Variants in PPFIBP1 observed in about 807,000 individuals in gnomAD.
The protein encoded by PPFIBP1 is PPFIB scaffold protein 1, also known as liprin-beta-1.
In PPFIBP1, 112 loss-of-function variants were observed where a neutral mutation model predicts 137.8. The observed-to-expected ratio is 0.81, with a 90% CI of 0.70 to 0.95. The LOEUF (loss-of-function observed/expected upper bound fraction) is 0.95. PPFIBP1 is among the 40% of genes least tolerant of loss of function. PPFIBP1 has a pLI of 0.00. For synonymous variants in PPFIBP1, 378 were observed against 417.3 expected (o/e 0.91, Z 1.15); for missense variants, 1,083 against 1,196.6 (o/e 0.91, Z 1.40).
intron 1 of PPFIBP1, among the ~76,000 whole-genome samples, chr12:27,571,975 T>A (rs2050188793): frequency 6.6e-6 from 1 of 152,190 alleles, no homozygotes; most frequent in Admixed American, 6.5e-5. Flanking sequence ...GAATGCTTTT[T>A]TCCTCTGAGG....
intron 1 of PPFIBP1, among the ~76,000 whole-genome samples, chr12:27,533,570 A>G (rs1258332584): frequency 6.6e-6 from 1 of 152,166 alleles, no homozygotes. Flanking sequence ...ATGGTTCTGT[A>G]CTTGGGGTGT....
At chr12:27,574,674 T>G (rs1029440316) in intron 1 of PPFIBP1, among the ~76,000 whole-genome samples, 1 of 152,170 alleles carries the variant, frequency 6.6e-6, no homozygotes, top group Admixed American at 6.5e-5. Context: ...AGATTTTATT[T>G]TGTATAATTT....
intron 1 of PPFIBP1, among the ~76,000 whole-genome samples, chr12:27,571,056 G>T (rs546939765): frequency 6.6e-6 from 1 of 152,316 alleles, no homozygotes; most frequent in East Asian, 1.9e-4. Flanking sequence ...AGAAGAAAGT[G>T]TTGAAAACCA....
At chr12:27,617,472 A>G (rs1292449621) in intron 2 of PPFIBP1, among the ~76,000 whole-genome samples, 3 of 152,196 alleles carry the variant, frequency 2.0e-5, no homozygotes, top group African/African-American at 7.2e-5. Flanking sequence ...AATGAGAAAT[A>G]CTTTGTGAAT....
chr12:27,589,587 C>T (rs1314961354), intron 2 of PPFIBP1, among the ~76,000 whole-genome samples: 3 of 152,344 alleles, frequency 2.0e-5, no homozygotes, highest in East Asian at 1.9e-4. Flanking sequence ...TTGCAAAGCA[C>T]ACTGCTTATA....
intron 2 of PPFIBP1, among the ~76,000 whole-genome samples, chr12:27,621,856 C>T (rs1318758686): frequency 1.3e-5 from 2 of 152,156 alleles, no homozygotes; most frequent in African/African-American, 2.4e-5. Flanking sequence ...AGTTTTTGAC[C>T]ATGTGACAAA....
intron 2 of PPFIBP1, among the ~76,000 whole-genome samples, chr12:27,613,672 C>T (rs1216267166): frequency 6.7e-6 from 1 of 149,466 alleles, no homozygotes; most frequent in East Asian, 2.0e-4. Flanking sequence ...CACTGCACTC[C>T]AGCCTGGGCA....
At chr12:27,622,909 G>C (rs893239433) in intron 2 of PPFIBP1, among the ~76,000 whole-genome samples, 1 of 152,178 alleles carries the variant, frequency 6.6e-6, no homozygotes, top group African/African-American at 2.4e-5. Flanking sequence ...TTCTATTTCA[G>C]TACATTCTAA....
In PPFIBP1 at chr12:27,691,804, A is replaced by T. The variant is rs765598267; in HGVS notation, c.2741A>T (p.Asp914Val). ...FGNLRKKKQE[D>V]GEEYVCPMEL... ...AATTTGAGAAAGAAGAAACAGGAAGATGGTGAAGAATATGTTTGTCCAATG... is the reference window on the plus strand; with the variant it reads ...AATTTGAGAAAGAAGAAACAGGAAGTTGGTGAAGAATATGTTTGTCCAATG... Residue 914 changes from aspartate (D) to valine (V), a missense_variant, in exon 28 of 30, where the codon GAT (aspartate) becomes GTT (valine). Coordinates refer to ENST00000228425, the MANE Select transcript of PPFIBP1 (RefSeq NM_003622.4). 2 of 1,613,704 alleles carry T rather than the reference A, an allele frequency of 1.2e-6. No homozygotes were observed. The highest frequency in any genetic ancestry group is 2.2e-5 in the East Asian group (1 of 44,868).
At chr12:27,687,547 C>T (rs1170643297) in intron 25 of PPFIBP1, 40 bp downstream of exon 25, 1 of 1,606,818 alleles carries the variant, frequency 6.2e-7, no homozygotes, top group East Asian at 2.2e-5. Flanking sequence ...ATGCACTTCC[C>T]AGGCATGGGA....
At chr12:27,677,612 A>G (rs2060604530) in intron 19 of PPFIBP1, 1 of 153,596 alleles carries the variant, frequency 6.5e-6, no homozygotes, top group African/African-American at 2.4e-5. Context: ...TGGAGATAAT[A>G]TTTAGTGATG....
At chr12:27,653,249 T>C (rs1482094138) in intron 7 of PPFIBP1, among the ~76,000 whole-genome samples, 1 of 152,120 alleles carries the variant, frequency 6.6e-6, no homozygotes, top group Non-Finnish European at 1.5e-5. Context: ...TGTCCTGTAG[T>C]CTATGAATTT....
intron 15 of PPFIBP1, 45 bp from the exon 16 acceptor site, chr12:27,673,722 G>T: frequency 6.6e-7 from 1 of 1,512,726 alleles, no homozygotes. Context: ...AGAAACAGTG[G>T]CACTGGAGCC....
At chr12:27,674,371 C>A (rs193240354) in intron 17 of PPFIBP1, 150 bp downstream of exon 17, 22 of 557,896 alleles carry the variant, frequency 3.9e-5, no homozygotes, top group African/African-American at 3.9e-4. Context: ...TTATATGATT[C>A]CGTTTATGTG....
chr12:27,674,182 C>T lies in PPFIBP1; in HGVS notation c.1381-10C>T. 6.3e-7 allele frequency: 1 copy of T among 1,591,606 alleles called. No individual in the cohort carries two copies. The highest frequency in any genetic ancestry group is 1.2e-5 in the South Asian group (1 of 86,618). On this transcript the variant is annotated splice_polypyrimidine_tract_variant and intron_variant, in intron 16 of 29. Coordinates refer to ENST00000228425, the MANE Select transcript of PPFIBP1 (RefSeq NM_003622.4). ...CTAACAACCTTAAATATTGTTATTGCTTTGAACAGGAAAAGGAAACTATTC... is the reference window on the plus strand; with the variant it reads ...CTAACAACCTTAAATATTGTTATTGTTTTGAACAGGAAAAGGAAACTATTC...
chr12:27,575,613 C>T (rs1337032000), intron 1 of PPFIBP1, among the ~76,000 whole-genome samples: 1 of 152,070 alleles, frequency 6.6e-6, no homozygotes, highest in Non-Finnish European at 1.5e-5. Context: ...TTAAATGGAC[C>T]CAAATATAGA....
At chr12:27,525,059 T>C (rs1943571943) in intron 1 of PPFIBP1, among the ~76,000 whole-genome samples, 1 of 152,140 alleles carries the variant, frequency 6.6e-6, no homozygotes. Context: ...ATCTGTTTCC[T>C]GTGGCTGCTT....
intron 2 of PPFIBP1, among the ~76,000 whole-genome samples, chr12:27,626,775 A>G (rs936712577): frequency 1.5e-4 from 23 of 152,246 alleles, no homozygotes; most frequent in African/African-American, 5.5e-4. Flanking sequence ...CATGTTGGCC[A>G]GGCTGGTCTC....
chr12:27,681,927 G>T (rs2060898652), intron 22 of PPFIBP1, among the ~76,000 whole-genome samples: 1 of 151,434 alleles, frequency 6.6e-6, no homozygotes, highest in African/African-American at 2.4e-5. Flanking sequence ...TAATGAAAAA[G>T]AATTACATAA....
Sources: gnomAD v4.1 joint callset for allele counts (sites outside exome capture counted in the v4.1 genomes callset) on GRCh38, gnomAD v4.1.1 for gene constraint, MANE v1.5 for transcripts, NCBI Gene and HGNC (gene_info 2026-07-23, HGNC 2026-07-21) for gene names.